Variants in JAK2 observed in about 807,000 individuals in gnomAD.
JAK2 encodes the protein tyrosine-protein kinase JAK2.
Under a neutral mutation model 139.3 loss-of-function variants are expected in JAK2, and 86 were observed. The observed-to-expected ratio is 0.62, with a 90% confidence interval of 0.52 to 0.74. JAK2 has a LOEUF of 0.74. Among genes scored for constraint, JAK2 ranks in the 30% least tolerant of loss-of-function variants. The pLI is 0.00. For missense variants in JAK2, 1,421 were observed against 1,360.3 expected (o/e 1.04, Z -0.70); for synonymous variants, 490 against 437.7 (o/e 1.12, Z -1.49).
rs1411581959 is a variant in JAK2, at chr9:5,054,494, T to A, written c.615-69T>A. On this transcript the variant is annotated intron_variant, in intron 6 of 24. Transcript: ENST00000381652. The surrounding 1 kb of genome is among the most constrained non-coding windows in gnomAD (Gnocchi z 4.9). Reference sequence around the variant, plus strand: ...ATGGAAAAAGGTGGTAACTTCTTTTTCAATTTTTAGATTTATCTTCCAATT... The same window carrying A: ...ATGGAAAAAGGTGGTAACTTCTTTTACAATTTTTAGATTTATCTTCCAATT... 7.4e-7 allele frequency: 1 copy of A among 1,349,696 alleles called. No homozygotes were observed. Among genetic ancestry groups the A allele is most frequent in the South Asian group, 1.4e-5 (1 of 69,082 alleles). The allele number at this position is 1,349,696 out of a possible 1,614,324, so 83.6% of individuals were successfully genotyped here. A position where few individuals can be genotyped will look rare whatever the true frequency, so the allele number is the denominator to read the frequency against.
At chr9:4,997,092 C>T (rs1233776256) in intron 2 of JAK2, among the ~76,000 whole-genome samples, 1 of 151,732 alleles carries the variant, frequency 6.6e-6, no homozygotes, top group Non-Finnish European at 1.5e-5. Flanking sequence ...CTAGGCCTGG[C>T]TAATTTTTAT....
intron 22 of JAK2, chr9:5,109,997 C>A (rs913495089): frequency 1.3e-5 from 2 of 152,172 alleles, no homozygotes; most frequent in African/African-American, 4.8e-5. Context: ...ATCGCATCGG[C>A]GACATTGGTT....
chr9:5,112,292 C>G, intron 22 of JAK2: 1 of 262,548 alleles, frequency 3.8e-6, no homozygotes, highest in South Asian at 4.4e-5. Flanking sequence ...CATGCACATC[C>G]ATGTTGCCCT....
At chr9:5,018,609 G>C (rs928634987) in intron 2 of JAK2, among the ~76,000 whole-genome samples, 4 of 152,204 alleles carry the variant, frequency 2.6e-5, no homozygotes, top group African/African-American at 9.6e-5. Flanking sequence ...AAAGTGCTAG[G>C]ATTACAGGCT....
chr9:5,126,448 T>TAACA lies in JAK2; in HGVS notation c.3291+4_3291+7dup, dbSNP rs1824004322. 1 of 1,585,618 alleles carries TAACA rather than the reference T, an allele frequency of 6.3e-7. No homozygotes were observed. Among genetic ancestry groups the TAACA allele is most frequent in the South Asian group, 1.1e-5 (1 of 88,400 alleles). ...AGACCAGATGGATGCCCAGATGAGG[T>TAACA]AACAATTTTTTTTTAATCCAGGGTA... On this transcript the variant is annotated splice_region_variant and intron_variant, in intron 24 of 24. Coordinates refer to ENST00000381652, the MANE Select transcript of JAK2 (RefSeq NM_004972.4).
chr9:5,080,196 A>G, intron 16 of JAK2, 33 bp from the exon 17 acceptor site: 1 of 1,513,960 alleles, frequency 6.6e-7, no homozygotes. Context: ...CTTGTGAATT[A>G]TTTAACCCTA....
At chr9:5,042,588 C>A (rs1179082906) in intron 4 of JAK2, among the ~76,000 whole-genome samples, 1 of 137,572 alleles carries the variant, frequency 7.3e-6, no homozygotes, top group Non-Finnish European at 1.6e-5. Flanking sequence ...TCCTGGAGGC[C>A]CCCAGGGCTG....
chr9:5,097,671 A>T (rs1353586947), intron 22 of JAK2: 1 of 152,220 alleles, frequency 6.6e-6, no homozygotes, highest in Non-Finnish European at 1.5e-5. Context: ...GATCTCCCGC[A>T]ATGTTCTGAG....
intron 2 of JAK2, among the ~76,000 whole-genome samples, chr9:5,002,936 T>C (rs1821013439): frequency 6.6e-6 from 1 of 151,998 alleles, no homozygotes; most frequent in African/African-American, 2.4e-5. Context: ...GAAGTTAAGG[T>C]TATTTTTTGC....
intron 5 of JAK2, among the ~76,000 whole-genome samples, chr9:5,046,282 T>C (rs566190006): frequency 3.3e-5 from 5 of 152,198 alleles, no homozygotes; most frequent in Non-Finnish European, 5.9e-5. Flanking sequence ...GTTGTTATAT[T>C]ATAGAAATTA....
At chr9:5,037,618 A>G (rs911696107) in intron 4 of JAK2, among the ~76,000 whole-genome samples, 10 of 152,196 alleles carry the variant, frequency 6.6e-5, no homozygotes, top group Non-Finnish European at 7.4e-5. Flanking sequence ...CAAAAAACCA[A>G]ACACTGCATG....
At chr9:5,117,979 T>G (rs762578322) in intron 22 of JAK2, among the ~76,000 whole-genome samples, 2 of 152,350 alleles carry the variant, frequency 1.3e-5, no homozygotes, top group East Asian at 3.9e-4. Flanking sequence ...TTTAAATTGA[T>G]AGCTAATTTT....
rs2130506273 is a variant in JAK2, at chr9:5,066,789, G to T, written c.1326G>T (p.Glu442Asp). Residue 442 changes from glutamate (E) to aspartate (D), a missense_variant and splice_region_variant, in exon 10 of 25, where the codon GAG becomes GAT. Glu to Asp is a conservative substitution (Grantham distance 45). Coordinates refer to ENST00000381652, the MANE Select transcript of JAK2 (RefSeq NM_004972.4). ...FNKYFLTFAV[E>D]RENVIEYKHC... ...AATATTTTTTGACTTTTGCTGTCGA[G>T]GTTAGTATGTCACACTTATTAGTGG... 2 of 1,431,890 alleles carry T rather than the reference G, an allele frequency of 1.4e-6. No homozygotes were observed. Among genetic ancestry groups the T allele is most frequent in the Non-Finnish European group, 9.5e-7 (1 of 1,051,386 alleles). 88.7% of individuals were successfully genotyped at this position (1,431,890 alleles called of 1,614,324 possible).
chr9:5,116,152 T>C (rs187630155), intron 22 of JAK2, among the ~76,000 whole-genome samples: 9 of 152,304 alleles, frequency 5.9e-5, no homozygotes, highest in African/African-American at 1.4e-4. Context: ...ATAACAACCC[T>C]TGGAGAACAT....
At chr9:5,062,309 G>T (rs1205217689) in intron 8 of JAK2, among the ~76,000 whole-genome samples, 2 of 151,758 alleles carry the variant, frequency 1.3e-5, no homozygotes, top group Non-Finnish European at 2.9e-5. Context: ...TATTCTGAGG[G>T]ACAACTGTAC....
chr9:5,044,549 G>C (rs372478714), intron 5 of JAK2, 29 bp downstream of exon 5: 19 of 1,277,416 alleles, frequency 1.5e-5, no homozygotes, highest in Non-Finnish European at 2.1e-5. Context: ...ACTTGTACAT[G>C]AGTTAAATGA....
chr9:5,053,224 A>G (rs1817544731), intron 6 of JAK2, among the ~76,000 whole-genome samples: 1 of 152,052 alleles, frequency 6.6e-6, no homozygotes, highest in African/African-American at 2.4e-5. Context: ...TCTAATGACT[A>G]CTGATGTTTG....
chr9:5,049,860 T>C (rs139624548), intron 5 of JAK2, among the ~76,000 whole-genome samples: 98 of 152,360 alleles, frequency 6.4e-4, no homozygotes, highest in Non-Finnish European at 1.2e-3. Context: ...AGCATGTTGC[T>C]GTACTGAATA....
intron 2 of JAK2, among the ~76,000 whole-genome samples, chr9:5,018,738 A>G: frequency 6.6e-6 from 1 of 152,134 alleles, no homozygotes; most frequent in East Asian, 1.9e-4. Context: ...TTGCCTCAGA[A>G]AAACTATTTT....
Sources: allele counts gnomAD v4.1 joint callset (sites outside exome capture counted in the v4.1 genomes callset), GRCh38; gene constraint gnomAD v4.1.1; non-coding constraint Gnocchi (gnomAD v3.1); transcripts MANE v1.5; gene names NCBI Gene and HGNC (gene_info 2026-07-23, HGNC 2026-07-21).